Variants in KALRN observed in about 807,000 individuals in gnomAD.
KALRN encodes the protein kalirin.
KALRN carries 70 observed loss-of-function variants against 353.7 expected under a neutral mutation model. The observed-to-expected ratio is 0.20, with a 90% CI of 0.16 to 0.24. The LOEUF (loss-of-function observed/expected upper bound fraction) is 0.24. KALRN is among the 10% of genes least tolerant of loss of function. The probability of loss-of-function intolerance (pLI) is 1.00; values close to 1 mark genes in which losing one functional copy is unlikely to be tolerated. For missense variants in KALRN, 2,791 were observed against 3,756.7 expected (o/e 0.74, Z 6.72); for synonymous variants, 1,391 against 1,434.8 (o/e 0.97, Z 0.69).
intron 22 of KALRN, among the ~76,000 whole-genome samples, chr3:124,455,585 C>T (rs1023536762): frequency 1.3e-5 from 2 of 152,156 alleles, no homozygotes; most frequent in South Asian, 2.1e-4. Context: ...ATTACAAAAT[C>T]GACTGGCCAG....
intron 16 of KALRN, among the ~76,000 whole-genome samples, chr3:124,432,699 A>G (rs919743018): frequency 1.3e-5 from 2 of 152,204 alleles, no homozygotes; most frequent in African/African-American, 2.4e-5. Flanking sequence ...TGAAATGACT[A>G]TATTCCACAT....
intron 34 of KALRN, among the ~76,000 whole-genome samples, chr3:124,578,715 G>A (rs2074350369): frequency 6.7e-6 from 1 of 149,756 alleles, no homozygotes; most frequent in East Asian, 1.9e-4. Context: ...ATTGCAGTGA[G>A]CCAAGATGTG....
rs556515718 is a variant in KALRN, at chr3:124,561,640, C to A, written c.4936-1203C>A. 1.9e-3 allele frequency among the ~76,000 whole-genome samples: 289 copies of A among 152,266 alleles called. 1 individual carries two copies. Among genetic ancestry groups the A allele is most frequent in the Non-Finnish European group, 3.6e-3 (246 of 68,012 alleles). ...ATTTGGACAAGTGCACTAATATGGC[C>A]ACTGGTGCAGAAAATTTGGGCCCTG... is the stretch of plus-strand genomic sequence containing the variant. On this transcript the variant is annotated intron_variant, in intron 33 of 59. Transcript: ENST00000682506.
chr3:124,445,616 G>C (rs1267755577), intron 19 of KALRN, among the ~76,000 whole-genome samples: 1 of 152,196 alleles, frequency 6.6e-6, no homozygotes, highest in African/African-American at 2.4e-5. Context: ...CCACTATTTA[G>C]AAGTGTTTAG....
chr3:124,586,353 C>G (rs1395623007), intron 34 of KALRN, among the ~76,000 whole-genome samples: 1 of 152,234 alleles, frequency 6.6e-6, no homozygotes, highest in Non-Finnish European at 1.5e-5. Flanking sequence ...GAGTCCGTTT[C>G]CTGTCAGACA....
intron 1 of KALRN, among the ~76,000 whole-genome samples, chr3:124,050,471 G>T (rs886301597): frequency 1.3e-5 from 2 of 152,158 alleles, no homozygotes; most frequent in Non-Finnish European, 2.9e-5. Context: ...ACCACAACTG[G>T]TGAAAAGGTA....
At chr3:124,420,767 C>T (rs2092743443) in intron 14 of KALRN, among the ~76,000 whole-genome samples, 1 of 152,128 alleles carries the variant, frequency 6.6e-6, no homozygotes, top group Non-Finnish European at 1.5e-5. Context: ...TTATATAAAA[C>T]ACTATTTTTG....
Position 124,725,073 on chromosome 3 carries a change from G to A in KALRN, c.*5603G>A, listed in dbSNP as rs1300015498. On this transcript the variant is annotated 3_prime_UTR_variant, in exon 60 of 60. Coordinates refer to ENST00000682506, the MANE Select transcript of KALRN (RefSeq NM_001388419.1). ...TTGGAATGCCAACTCCTGAGGCTTAGTTTAACCAAGCTAATTTGTTGGCCC... is the reference window on the plus strand; with the variant it reads ...TTGGAATGCCAACTCCTGAGGCTTAATTTAACCAAGCTAATTTGTTGGCCC... 1 of 152,176 alleles carries A rather than the reference G, an allele frequency of 6.6e-6. No homozygotes were observed. Among genetic ancestry groups the A allele is most frequent in the African/African-American group, 2.4e-5 (1 of 41,450 alleles). The allele number at this position is 152,176 out of a possible 1,614,324, so 9.4% of individuals were successfully genotyped here. A position where few individuals can be genotyped will look rare whatever the true frequency, so the allele number is the denominator to read the frequency against.
rs2063306138 is a variant in KALRN at position 124,719,448 on chromosome 3, A to G, written c.8939A>G (p.Asn2980Ser). 1.2e-6 allele frequency: 2 copies of G among 1,613,364 alleles called. No individual in the cohort carries two copies. The highest frequency in any genetic ancestry group is 2.2e-5 in the East Asian group (1 of 44,882). ...CCCAATGTCAAGAGCTACATTGTCA[A>G]CCGGGTGAACCAAGGGACGTAGCCA... ...PIPNVKSYIV[N>S]RVNQGT Residue 2980 changes from asparagine to serine, a missense_variant, in exon 60 of 60, where the codon AAC becomes AGC. Asn to Ser is a conservative substitution (Grantham distance 46). Coordinates refer to ENST00000682506, the MANE Select transcript of KALRN (RefSeq NM_001388419.1). This position sits in a 1 kb window ranked among gnomAD's most constrained non-coding sequence, Gnocchi z 5.3.
At chr3:124,713,868 G>A (rs2063006402) in intron 58 of KALRN, among the ~76,000 whole-genome samples, 3 of 152,174 alleles carry the variant, frequency 2.0e-5, no homozygotes, top group Admixed American at 2.0e-4. Flanking sequence ...CCATTGCCGA[G>A]TATGGCTCCA....
At chr3:124,422,220 C>T (rs563760697) in intron 14 of KALRN, among the ~76,000 whole-genome samples, 1 of 152,250 alleles carries the variant, frequency 6.6e-6, no homozygotes, top group Admixed American at 6.5e-5. Context: ...ATATTTCTAA[C>T]AGTGCCTTTT....
At position 124,697,753 on chromosome 3, in the gene KALRN, T is replaced by A. The variant is rs911285460; in HGVS notation, c.7831+29T>A. ...CACTATCTCCTGCTCTTCTTTTTCT[T>A]TTCTCTTCTTTTAAAACATTTATTT... is the stretch of plus-strand genomic sequence containing the variant. On this transcript the variant is annotated intron_variant, in intron 55 of 59. Transcript: ENST00000682506. The A allele has an allele frequency of 1.4e-5, 21 of 1,478,778 alleles. No homozygotes were observed. The African/African-American group carries it at 3.0e-4, about 21-fold the overall frequency. 91.6% of individuals were successfully genotyped at this position (1,478,778 alleles called of 1,614,324 possible). A position where few individuals can be genotyped will look rare whatever the true frequency, so the allele number is the denominator to read the frequency against.
At chr3:124,215,345 G>A (rs1196095631) in intron 1 of KALRN, among the ~76,000 whole-genome samples, 1 of 152,202 alleles carries the variant, frequency 6.6e-6, no homozygotes, top group East Asian at 1.9e-4. Context: ...TGTGAGCAGT[G>A]TAGCTTACTG....
intron 34 of KALRN, among the ~76,000 whole-genome samples, chr3:124,599,291 C>T (rs1482404621): frequency 6.6e-6 from 1 of 152,100 alleles, no homozygotes; most frequent in African/African-American, 2.4e-5. Flanking sequence ...TGCTTGAAGC[C>T]GACTTGCTTC....
chr3:124,664,370 T>TGTGCGCGCGC (rs370394911), intron 45 of KALRN, among the ~76,000 whole-genome samples: 29 of 129,566 alleles, frequency 2.2e-4, no homozygotes, highest in African/African-American at 8.1e-4. Flanking sequence ...TGTGTGTGTG[T>TGTGCGCGCGC]GCGCGCGCGC....
At chr3:124,149,304 T>C (rs540404815) in intron 1 of KALRN, among the ~76,000 whole-genome samples, 17 of 152,304 alleles carry the variant, frequency 1.1e-4, no homozygotes, top group Admixed American at 1.0e-3. Context: ...TGATGACCTT[T>C]TGTAGTAGAG....
chr3:124,154,267 T>C (rs184902729), intron 1 of KALRN, among the ~76,000 whole-genome samples: 3 of 152,310 alleles, frequency 2.0e-5, no homozygotes, highest in Middle Eastern at 3.4e-3. Flanking sequence ...CCAGGGCAAT[T>C]AGGCAGGAGA....
At chr3:124,593,888 T>G (rs2076034929) in intron 34 of KALRN, among the ~76,000 whole-genome samples, 1 of 152,178 alleles carries the variant, frequency 6.6e-6, no homozygotes, top group South Asian at 2.1e-4. Flanking sequence ...AAACGAGGTC[T>G]TGCCATATTG....
At chr3:124,679,423 C>T in intron 50 of KALRN, 35 bp from the exon 51 acceptor site, 2 of 1,590,400 alleles carry the variant, frequency 1.3e-6, no homozygotes, top group Non-Finnish European at 1.7e-6. Flanking sequence ...TAACTGTGTT[C>T]TCTTTCTTCC....
Sources: gnomAD v4.1 joint callset for allele counts (sites outside exome capture counted in the v4.1 genomes callset) on GRCh38, gnomAD v4.1.1 for gene constraint, Gnocchi (gnomAD v3.1) non-coding constraint, MANE v1.5 for transcripts, NCBI Gene and HGNC (gene_info 2026-07-23, HGNC 2026-07-21) for gene names.